The following PSME4 variants were observed in gnomAD, a reference collection of about 807,000 sequenced individuals.
The protein encoded by PSME4 is proteasome activator complex subunit 4.
Under a neutral mutation model 253.9 loss-of-function variants are expected in PSME4, and 89 were observed. The observed-to-expected ratio is 0.35, with a 90% CI of 0.30 to 0.42. PSME4 has a LOEUF of 0.42. Ranked by LOEUF, PSME4 falls within the 10% of genes least tolerant of loss-of-function variation. The pLI, the probability that PSME4 is intolerant of heterozygous loss-of-function variation, is 1.00. For synonymous variants in PSME4, 851 were observed against 759.2 expected, an observed-to-expected ratio of 1.12 and a Z score of -1.99; for missense variants, 2,014 against 2,195.2, an observed-to-expected ratio of 0.92 and a Z score of 1.65.
chr2:53,910,222 A>G (rs1479576926), intron 20 of PSME4, 92 bp from the exon 21 acceptor site: 1 of 991,908 alleles, frequency 1.0e-6, no homozygotes, highest in Non-Finnish European at 1.6e-6. Flanking sequence ...TTAAACCAAA[A>G]CAAAGATAAT....
intron 17 of PSME4, among the ~76,000 whole-genome samples, chr2:53,921,895 A>C (rs1222137761): frequency 9.5e-6 from 1 of 104,872 alleles, no homozygotes; most frequent in South Asian, 3.3e-4. Flanking sequence ...AGTTTGGGCC[A>C]GGCGCGGTGG....
At chr2:53,881,540 A>G (rs1249925690) in intron 41 of PSME4, 6 of 152,100 alleles carry the variant, frequency 3.9e-5, no homozygotes, top group Non-Finnish European at 2.9e-5. Context: ...CACACTCTTT[A>G]TATAGGAGAC....
chr2:53,926,449 G>GA (rs780678050), intron 12 of PSME4, among the ~76,000 whole-genome samples: 70 of 152,262 alleles, frequency 4.6e-4, no homozygotes, highest in South Asian at 2.5e-3. Flanking sequence ...CGAGGCAAGC[G>GA]AATCACTTGA....
intron 38 of PSME4, 185 bp from the exon 39 acceptor site, chr2:53,888,174 C>G: frequency 2.0e-6 from 1 of 492,218 alleles, no homozygotes; most frequent in South Asian, 5.5e-5. Context: ...ATCATTTTCT[C>G]TGTATTTGCA....
At chr2:53,919,991 C>A (rs983888152) in intron 19 of PSME4, among the ~76,000 whole-genome samples, 4 of 151,950 alleles carry the variant, frequency 2.6e-5, no homozygotes, top group Non-Finnish European at 4.4e-5. Context: ...GAAAAAGAAA[C>A]CCACAATTTT....
chr2:53,923,913 C>CA (rs199929436), intron 14 of PSME4, among the ~76,000 whole-genome samples: 6,710 of 94,944 alleles, frequency 0.071, 600 homozygotes, highest in Non-Finnish European at 0.079. Flanking sequence ...ACAGAGTTAA[C>CA]AAAAAAAAAA....
intron 29 of PSME4, among the ~76,000 whole-genome samples, chr2:53,898,874 T>C (rs1047342840): frequency 2.0e-5 from 3 of 152,124 alleles, no homozygotes; most frequent in Non-Finnish European, 2.9e-5. Context: ...TTTATTAAAA[T>C]CCTGATACCA....
chr2:53,900,631 G>A (rs1240191321), intron 28 of PSME4, among the ~76,000 whole-genome samples: 4 of 152,026 alleles, frequency 2.6e-5, no homozygotes, highest in Non-Finnish European at 5.9e-5. Context: ...ATATTAAAAG[G>A]GTGATATTTA....
chr2:53,935,484 A>C (rs1669059826), intron 7 of PSME4, among the ~76,000 whole-genome samples: 1 of 152,178 alleles, frequency 6.6e-6, no homozygotes, highest in Non-Finnish European at 1.5e-5. Flanking sequence ...TTATTCTACC[A>C]CAGGTGAAAT....
At chr2:53,938,981 G>A (rs967484485) in intron 4 of PSME4, among the ~76,000 whole-genome samples, 99 of 152,190 alleles carry the variant, frequency 6.5e-4, no homozygotes, top group African/African-American at 2.2e-3. Flanking sequence ...ATAAAAACTT[G>A]GGAGTTCTAT....
chr2:53,924,872 G>C (rs1489752186), intron 14 of PSME4, among the ~76,000 whole-genome samples: 1 of 152,170 alleles, frequency 6.6e-6, no homozygotes, highest in African/African-American at 2.4e-5. Context: ...GGAAATACAG[G>C]ATTATGTTCC....
At chr2:53,968,449 T>C (rs1342802925) in intron 1 of PSME4, among the ~76,000 whole-genome samples, 1 of 152,120 alleles carries the variant, frequency 6.6e-6, no homozygotes, top group Non-Finnish European at 1.5e-5. Context: ...ACCACTCAGC[T>C]TTCGTCACAC....
intron 28 of PSME4, 59 bp downstream of exon 28, chr2:53,901,291 G>A (rs1680387233): frequency 7.0e-7 from 1 of 1,420,842 alleles, no homozygotes; most frequent in Non-Finnish European, 9.9e-7. Flanking sequence ...AAAAATAAAG[G>A]GCATTTTAAC....
intron 1 of PSME4, among the ~76,000 whole-genome samples, chr2:53,956,537 A>C (rs930799821): frequency 6.6e-6 from 1 of 152,010 alleles, no homozygotes; most frequent in Non-Finnish European, 1.5e-5. Flanking sequence ...TCAAAAAATA[A>C]AAATAATAAT....
intron 20 of PSME4, among the ~76,000 whole-genome samples, chr2:53,918,603 G>A (rs933315354): frequency 2.0e-5 from 3 of 152,074 alleles, no homozygotes; most frequent in Non-Finnish European, 2.9e-5. Flanking sequence ...ATAAGCCACC[G>A]CACTGGGCCT....
chr2:53,959,109 G>C (rs941416054), intron 1 of PSME4, among the ~76,000 whole-genome samples: 3 of 152,168 alleles, frequency 2.0e-5, no homozygotes, highest in African/African-American at 4.8e-5. Context: ...TTGAGCCCAG[G>C]AGTTTGAAGC....
intron 4 of PSME4, among the ~76,000 whole-genome samples, chr2:53,939,022 T>C (rs1352932689): frequency 2.0e-5 from 3 of 152,124 alleles, no homozygotes; most frequent in Non-Finnish European, 4.4e-5. Flanking sequence ...AGTATTGAAG[T>C]GATAATCAAG....
chr2:53,928,691 A>G (rs926398650), intron 10 of PSME4, among the ~76,000 whole-genome samples: 2 of 152,220 alleles, frequency 1.3e-5, no homozygotes, highest in Non-Finnish European at 2.9e-5. Context: ...CATAGGGTCC[A>G]GTACTATCCA....
intron 20 of PSME4, among the ~76,000 whole-genome samples, chr2:53,918,566 C>T (rs1445120732): frequency 6.6e-6 from 1 of 152,080 alleles, no homozygotes; most frequent in African/African-American, 2.4e-5. Flanking sequence ...ATCTCAAACT[C>T]CTGCACTCAA....
Sources: gnomAD v4.1 joint callset for allele counts (sites outside exome capture counted in the v4.1 genomes callset) on GRCh38, gnomAD v4.1.1 for gene constraint, MANE v1.5 for transcripts, NCBI Gene and HGNC (gene_info 2026-07-23, HGNC 2026-07-21) for gene names.